Variants in ARL17A observed in about 807,000 individuals in gnomAD.
ARL17A encodes ARF like GTPase 17A.
intron 2 of ARL17A, among the ~76,000 whole-genome samples, chr17:46,575,335 A>G (rs140199629): frequency 2.0e-4 from 30 of 151,540 alleles, no homozygotes; most frequent in African/African-American, 7.3e-4. Flanking sequence ...CAGCTTGTCT[A>G]TTTCTCTAGT....
intron 4 of ARL17A, among the ~76,000 whole-genome samples, chr17:46,531,866 GA>G (rs1327209251): frequency 8.0e-6 from 1 of 124,840 alleles, no homozygotes; most frequent in Admixed American, 7.8e-5. Flanking sequence ...GTTTGGAGAA[GA>G]AAAAACTGTT....
At chr17:46,521,295 T>A (rs2052249820) in intron 3 of ARL17A, among the ~76,000 whole-genome samples, 1 of 55,106 alleles carries the variant, frequency 1.8e-5, no homozygotes, top group African/African-American at 6.3e-5. Flanking sequence ...GCAAACAGAT[T>A]CTCTCAAATA....
intron 3 of ARL17A, among the ~76,000 whole-genome samples, chr17:46,543,544 T>C (rs4309442): frequency 6.6e-6 from 1 of 150,906 alleles, no homozygotes; most frequent in Non-Finnish European, 1.5e-5. Context: ...TGAGTGATGA[T>C]AGTCCTCTGG....
At chr17:46,501,254 C>A in the ARL17A span, among the ~76,000 whole-genome samples, 2 of 151,050 alleles carry the variant, frequency 1.3e-5, no homozygotes, top group African/African-American at 2.5e-5. Flanking sequence ...TGGCTCACTG[C>A]GACCTCCGCC....
At chr17:46,526,534 A>G (rs2052788083), downstream of ARL17A, among the ~76,000 whole-genome samples, 1 of 104,576 alleles carries the variant, frequency 9.6e-6, no homozygotes, top group African/African-American at 3.7e-5. Context: ...TTTTTACTAG[A>G]TAAGGCTCAG....
At chr17:46,551,575 C>T (rs1274767741), downstream of ARL17A, among the ~76,000 whole-genome samples, 2 of 149,478 alleles carry the variant, frequency 1.3e-5, no homozygotes, top group Non-Finnish European at 2.9e-5. Flanking sequence ...TCAAGTTCAT[C>T]TTTCTTCTTG....
intron 3 of ARL17A, among the ~76,000 whole-genome samples, chr17:46,543,459 C>A (rs889049991): frequency 6.6e-6 from 1 of 150,894 alleles, no homozygotes; most frequent in African/African-American, 2.5e-5. Flanking sequence ...ATTTTTTAAG[C>A]CATGTTATGA....
At chr17:46,551,034 GCCA>G (rs969005571), downstream of ARL17A, among the ~76,000 whole-genome samples, 1 of 149,902 alleles carries the variant, frequency 6.7e-6, no homozygotes, top group African/African-American at 2.5e-5. Context: ...CTACAGAGTA[GCCA>G]TCTTTTACAA....
chr17:46,554,030 T>C lies in ARL17A; in HGVS notation c.*3326A>G. 3.0e-6 allele frequency: 3 copies of C among 995,578 alleles called. No individual in the cohort carries two copies. In the South Asian group the frequency reaches 1.3e-4, roughly 44 times the overall value. The allele number at this position is 995,578 out of a possible 1,614,324, so 61.7% of individuals were successfully genotyped here. A position where few individuals can be genotyped will look rare whatever the true frequency, so the allele number is the denominator to read the frequency against. On this transcript the variant is annotated 3_prime_UTR_variant, in exon 4 of 4. Transcript: ENST00000336125. ...CTTCCTCTTAAGTGGCAGGAAACAG[T>C]ATTTTCTCTTTTATTTCTTTTTTTT... is the stretch of plus-strand genomic sequence containing the variant.
intron 3 of ARL17A, among the ~76,000 whole-genome samples, chr17:46,542,706 T>C (rs113793614): frequency 6.7e-6 from 1 of 150,094 alleles, no homozygotes; most frequent in African/African-American, 2.5e-5. Context: ...AATATATATA[T>C]ATTTATATAT....
At chr17:46,500,499 T>C in the ARL17A span, among the ~76,000 whole-genome samples, 48 of 150,012 alleles carry the variant, frequency 3.2e-4, 1 homozygote, top group African/African-American at 1.2e-3. Context: ...ATGATTTTTG[T>C]GGCACCTCCA....
At chr17:46,569,349 T>TTATATA (rs369186347) in intron 3 of ARL17A, among the ~76,000 whole-genome samples, 1 of 147,170 alleles carries the variant, frequency 6.8e-6, no homozygotes, top group African/African-American at 2.6e-5. Context: ...CATGAAGATT[T>TTATATA]TATATATATA....
chr17:46,543,360 T>G (rs535829650), intron 3 of ARL17A, among the ~76,000 whole-genome samples: 1 of 150,940 alleles, frequency 6.6e-6, no homozygotes, highest in South Asian at 2.1e-4. Flanking sequence ...GTCAGTATAC[T>G]TTAAAACAAT....
chr17:46,550,855 T>G (rs28398293), downstream of ARL17A, among the ~76,000 whole-genome samples: 76,020 of 120,236 alleles, frequency 0.63, 27,393 homozygotes, highest in Middle Eastern at 0.83. Flanking sequence ...TATTTCCTTG[T>G]TGCTGAAATG....
chr17:46,540,274 CAAG>C, intron 3 of ARL17A: 1 of 1,370,362 alleles, frequency 7.3e-7, no homozygotes, highest in Non-Finnish European at 9.8e-7. Context: ...TCTCATGAGT[CAAG>C]AGATGATTTA....
chr17:46,553,839 G>A lies in ARL17A; in HGVS notation c.*3517C>T, dbSNP rs2057076411. 3.2e-6 allele frequency: 1 copy of A among 308,938 alleles called. No homozygotes were observed. The highest frequency in any genetic ancestry group is 3.4e-5 in the African/African-American group (1 of 29,054). The allele number at this position is 308,938 out of a possible 1,614,324, so 19.1% of individuals were successfully genotyped here. A position where few individuals can be genotyped will look rare whatever the true frequency, so the allele number is the denominator to read the frequency against. ...CCAGCCCTTTCGGGAGGTGGGGAGG[G>A]ATAGGAAGGAGAAAGGTTTTGGTGC... On this transcript the variant is annotated 3_prime_UTR_variant, in exon 4 of 4. Coordinates refer to ENST00000336125, the MANE Select transcript of ARL17A (RefSeq NM_001113738.2).
the ARL17A span, among the ~76,000 whole-genome samples, chr17:46,502,276 C>T: frequency 6.6e-6 from 1 of 151,068 alleles, no homozygotes; most frequent in Non-Finnish European, 1.5e-5. Flanking sequence ...TGGGTTACTA[C>T]TTGACCCCCA....
chr17:46,516,718 ATTATT>A (rs1263295820), exon 5 of ARL17A: 2 of 164,990 alleles, frequency 1.2e-5, no homozygotes, highest in African/African-American at 5.1e-5. Context: ...AAACAGGAAG[ATTATT>A]TTATTTTGTT....
At chr17:46,548,705 G>A (rs1202992993), downstream of ARL17A, 18 of 1,609,254 alleles carry the variant, frequency 1.1e-5, no homozygotes, top group African/African-American at 6.9e-5. Context: ...AGCATCAGGA[G>A]GGAACAGGGT....
Sources: gnomAD v4.1 joint callset for allele counts (sites outside exome capture counted in the v4.1 genomes callset) on GRCh38, gnomAD v4.1.1 for gene constraint, MANE v1.5 for transcripts, NCBI Gene and HGNC (gene_info 2026-07-23, HGNC 2026-07-21) for gene names.